BET1: variants seen among roughly 807,000 people sequenced by gnomAD.
The protein encoded by BET1 is Bet1 golgi vesicular membrane trafficking protein.
Under a neutral mutation model 13.9 loss-of-function variants are expected in BET1, and 9 were observed. That is an observed-to-expected ratio of 0.65 (90% CI 0.39 to 1.13). The LOEUF (loss-of-function observed/expected upper bound fraction) is 1.13. BET1 is among the 50% of genes most tolerant of loss of function. The pLI is 0.01. For synonymous variants in BET1, 39 were observed against 47.3 expected, an observed-to-expected ratio of 0.82 and a Z score of 0.72; for missense variants, 127 against 133.6, an observed-to-expected ratio of 0.95 and a Z score of 0.24.
At chr7:93,989,266 G>A (rs754416500), downstream of BET1, among the ~76,000 whole-genome samples, 38 of 151,804 alleles carry the variant, frequency 2.5e-4, no homozygotes, top group Admixed American at 4.6e-4. Context: ...CATCTACCTC[G>A]GCCTTCCAAA....
At chr7:93,973,031 G>A (rs764041004) in intron 5 of BET1, among the ~76,000 whole-genome samples, 2 of 151,748 alleles carry the variant, frequency 1.3e-5, no homozygotes, top group Non-Finnish European at 2.9e-5. Context: ...ATTTTGCTCC[G>A]AAATGAAAGA....
At chr7:93,976,433 T>C (rs1270028389) in intron 4 of BET1, among the ~76,000 whole-genome samples, 1 of 152,070 alleles carries the variant, frequency 6.6e-6, no homozygotes, top group Non-Finnish European at 1.5e-5. Context: ...GAAGTACATG[T>C]ACTCACTTAA....
chr7:93,993,656 T>C lies in BET1; in HGVS notation c.*574A>G. 1.5e-6 allele frequency: 2 copies of C among 1,302,582 alleles called. No homozygotes were observed. The highest frequency in any genetic ancestry group is 2.6e-5 in the South Asian group (1 of 38,710). 80.7% of individuals were successfully genotyped at this position (1,302,582 alleles called of 1,614,324 possible). A position where few individuals can be genotyped will look rare whatever the true frequency, so the allele number is the denominator to read the frequency against. ...AAAATAACAAGTTTTATTTAAAGAA[T>C]GAGGTCTTTGGGCAGAAAGAAATGA... On this transcript the variant is annotated 3_prime_UTR_variant, in exon 4 of 4. Coordinates refer to ENST00000222547, the MANE Select transcript of BET1 (RefSeq NM_005868.6).
chr7:93,988,279 T>C (rs1187396098), downstream of BET1, among the ~76,000 whole-genome samples: 1 of 152,210 alleles, frequency 6.6e-6, no homozygotes, highest in East Asian at 1.9e-4. Flanking sequence ...ATGTTCTTTA[T>C]TATTAGGAAT....
intron 1 of BET1, 69 bp downstream of exon 1, chr7:94,004,129 G>A: frequency 1.9e-6 from 3 of 1,609,824 alleles, no homozygotes; most frequent in Non-Finnish European, 2.6e-6. Flanking sequence ...AGACAGGTTC[G>A]ATTTCCTCCC....
At chr7:93,985,892 C>T (rs1020770585) in intron 4 of BET1, among the ~76,000 whole-genome samples, 6 of 152,180 alleles carry the variant, frequency 3.9e-5, no homozygotes, top group African/African-American at 1.4e-4. Flanking sequence ...GGCAGAAACA[C>T]ACAGCCAAGG....
At chr7:93,976,884 G>A (rs565574338) in intron 4 of BET1, among the ~76,000 whole-genome samples, 8 of 151,968 alleles carry the variant, frequency 5.3e-5, no homozygotes, top group South Asian at 2.1e-4. Context: ...ATGCCTTTGC[G>A]TCCTTCTGGC....
In BET1 at chr7:93,999,408, T is replaced by C. The variant is rs557481518; in HGVS notation, c.20-114A>G. The stretch of plus-strand genomic sequence containing the variant: ...GGGCCTTGCAAACCACATATGTCTC[T>C]AATATTCATACTCCAAATGAATTTA... On this transcript the variant is annotated intron_variant, in intron 1 of 3. Coordinates refer to ENST00000222547, the MANE Select transcript of BET1 (RefSeq NM_005868.6). 7.9e-6 allele frequency: 10 copies of C among 1,266,756 alleles called. No homozygotes were observed. The South Asian group carries it at 1.4e-4, about 18-fold the overall frequency. The allele number at this position is 1,266,756 out of a possible 1,614,324, so 78.5% of individuals were successfully genotyped here. A position where few individuals can be genotyped will look rare whatever the true frequency, so the allele number is the denominator to read the frequency against.
chr7:93,975,982 G>A, exon 5 of BET1: 1 of 1,275,812 alleles, frequency 7.8e-7, no homozygotes, highest in Non-Finnish European at 1.0e-6. Flanking sequence ...TGTGATAGAT[G>A]GCACTGAAAG....
intron 4 of BET1, among the ~76,000 whole-genome samples, chr7:93,983,478 A>G (rs950338516): frequency 6.6e-6 from 1 of 152,204 alleles, no homozygotes; most frequent in African/African-American, 2.4e-5. Flanking sequence ...GTGTTTAAGG[A>G]CACATAACAT....
At chr7:93,998,555 C>T (rs563700831) in intron 2 of BET1, among the ~76,000 whole-genome samples, 2 of 152,058 alleles carry the variant, frequency 1.3e-5, no homozygotes, top group South Asian at 2.1e-4. Context: ...AAAAATTAGC[C>T]GGGTGTGGTG....
Position 93,963,604 on chromosome 7 carries a change from G to T in BET1, c.*2221C>A, listed in dbSNP as rs143758762. The T allele has an allele frequency of 3.7e-3, 562 of 152,136 alleles. 1 individual carries two copies. Among genetic ancestry groups the T allele is most frequent in the African/African-American group, 0.013 (540 of 41,526 alleles). The allele number at this position is 152,136 out of a possible 1,614,324, so 9.4% of individuals were successfully genotyped here. On this transcript the variant is annotated 3_prime_UTR_variant and NMD_transcript_variant, in exon 7 of 7. Coordinates refer to the BET1 transcript ENST00000357520. ...GCCAGTTAATAAATATTTGTTGAATGAATAAATAAACTGATCTTTAAGTTG... is the reference window on the plus strand; with the variant it reads ...GCCAGTTAATAAATATTTGTTGAATTAATAAATAAACTGATCTTTAAGTTG...
chr7:93,984,836 G>C (rs1356067917), intron 4 of BET1, among the ~76,000 whole-genome samples: 1 of 152,064 alleles, frequency 6.6e-6, no homozygotes, highest in Non-Finnish European at 1.5e-5. Context: ...TCATGTATTA[G>C]TACTATAATC....
chr7:93,975,841 A>G, intron 5 of BET1: 4 of 817,118 alleles, frequency 4.9e-6, no homozygotes, highest in Non-Finnish European at 6.3e-6. Context: ...CACACCTGCC[A>G]GATAACGATT....
chr7:93,970,115 A>C (rs181029445), intron 6 of BET1, among the ~76,000 whole-genome samples: 164 of 151,978 alleles, frequency 1.1e-3, no homozygotes, highest in African/African-American at 3.9e-3. Context: ...GAGTATTTGC[A>C]TTAAAGATGT....
chr7:93,981,873 G>A (rs903659646), intron 4 of BET1, among the ~76,000 whole-genome samples: 4 of 152,150 alleles, frequency 2.6e-5, no homozygotes, highest in South Asian at 2.1e-4. Context: ...CAGAAGTCAC[G>A]GCATTAAACT....
At chr7:93,965,724 T>C (rs1007017871) in intron 6 of BET1, 13 of 152,064 alleles carry the variant, frequency 8.5e-5, no homozygotes, top group African/African-American at 3.1e-4. Context: ...GTATAAGTAA[T>C]AAAATATGCT....
chr7:93,982,535 C>T (rs944107716), intron 4 of BET1, among the ~76,000 whole-genome samples: 1 of 152,158 alleles, frequency 6.6e-6, no homozygotes, highest in Non-Finnish European at 1.5e-5. Flanking sequence ...TGTATACATC[C>T]TGTCCTTGCC....
At chr7:93,975,664 T>G (rs1047671481) in intron 5 of BET1, among the ~76,000 whole-genome samples, 5 of 152,266 alleles carry the variant, frequency 3.3e-5, no homozygotes, top group Middle Eastern at 6.8e-3. Context: ...TTTGCATAGA[T>G]ACTTAAATTG....
Sources: allele counts gnomAD v4.1 joint callset (sites outside exome capture counted in the v4.1 genomes callset), GRCh38; gene constraint gnomAD v4.1.1; transcripts MANE v1.5; gene names NCBI Gene and HGNC (gene_info 2026-07-23, HGNC 2026-07-21).